Variants in BCL11A observed in about 807,000 individuals in gnomAD.
BCL11A encodes the protein BCL11 transcription factor A, also known as B cell CLL/lymphoma 11A.
In BCL11A, 2 loss-of-function variants were observed where a neutral mutation model predicts 55.9. The observed-to-expected ratio is 0.04, with a 90% CI of 0.01 to 0.11. The LOEUF (loss-of-function observed/expected upper bound fraction) is 0.11, where lower values mean the gene tolerates loss of function less well. Among genes scored for constraint, BCL11A ranks in the 10% least tolerant of loss-of-function variants. BCL11A has a pLI of 1.00. For synonymous variants in BCL11A, 465 were observed against 473.4 expected (o/e 0.98, Z 0.23); for missense variants, 817 against 1,137.1 (o/e 0.72, Z 4.05).
At chr2:60,513,221 T>C (rs1486244002) in intron 2 of BCL11A, among the ~76,000 whole-genome samples, 1 of 152,130 alleles carries the variant, frequency 6.6e-6, no homozygotes, top group African/African-American at 2.4e-5. Context: ...TGACTCTCAC[T>C]AGGTTTCAGG....
chr2:60,553,287 G>T lies in BCL11A; in HGVS notation c.-17C>A. ...GCGAGACATGGTGGGCTGCGGGGCGGGCGGCGGCGGCGGCGGCGGCGGCGG... is the reference window on the plus strand; with the variant it reads ...GCGAGACATGGTGGGCTGCGGGGCGTGCGGCGGCGGCGGCGGCGGCGGCGG... On this transcript the variant is annotated 5_prime_UTR_variant, in exon 1 of 4. Transcript: ENST00000642384. 2 of 1,149,634 alleles carry T rather than the reference G, an allele frequency of 1.7e-6. No individual in the cohort carries two copies. The highest frequency in any genetic ancestry group is 2.2e-6 in the Non-Finnish European group (2 of 909,974). 71.2% of individuals were successfully genotyped at this position (1,149,634 alleles called of 1,614,324 possible).
intron 3 of BCL11A, among the ~76,000 whole-genome samples, chr2:60,467,928 T>TG (rs1676924996): frequency 8.1e-6 from 1 of 124,174 alleles, no homozygotes; most frequent in Non-Finnish European, 1.8e-5. Context: ...GTGGTGGTGG[T>TG]AGTGATGGTG....
intron 2 of BCL11A, among the ~76,000 whole-genome samples, chr2:60,502,072 C>A (rs1679321901): frequency 6.6e-6 from 1 of 152,158 alleles, no homozygotes; most frequent in African/African-American, 2.4e-5. Flanking sequence ...TGCCTCACTC[C>A]ACAGAGAAGC....
chr2:60,540,134 C>A (rs1371681848), intron 2 of BCL11A, among the ~76,000 whole-genome samples: 1 of 151,590 alleles, frequency 6.6e-6, no homozygotes, highest in Non-Finnish European at 1.5e-5. Context: ...AAGTTAGAAT[C>A]TTTTTTTTTA....
At chr2:60,550,449 C>G (rs946136681) in intron 1 of BCL11A, among the ~76,000 whole-genome samples, 1 of 151,628 alleles carries the variant, frequency 6.6e-6, no homozygotes, top group African/African-American at 2.4e-5. Context: ...CGAGAATCGC[C>G]GGGCAGGAGG....
At chr2:60,476,123 T>C (rs1231738358) in intron 2 of BCL11A, among the ~76,000 whole-genome samples, 1 of 152,182 alleles carries the variant, frequency 6.6e-6, no homozygotes, top group African/African-American at 2.4e-5. Flanking sequence ...AGGATACACC[T>C]GTTCCCCTCA....
chr2:60,536,354 A>T (rs935129018), intron 2 of BCL11A: 20 of 152,166 alleles, frequency 1.3e-4, no homozygotes, highest in African/African-American at 4.8e-4. Flanking sequence ...CTGATTTCTT[A>T]ACTCTCTTAT....
At chr2:60,522,275 C>T (rs1669028152) in intron 2 of BCL11A, 1 of 152,164 alleles carries the variant, frequency 6.6e-6, no homozygotes, top group Non-Finnish European at 1.5e-5. Flanking sequence ...TGATCCCAGA[C>T]GTCATATCAT....
rs1254730377 is a variant in BCL11A, at chr2:60,461,242, T to C, written c.1670A>G (p.His557Arg). Residue 557 changes from histidine to arginine, a missense_variant, in exon 4 of 4, where the codon CAC becomes CGC. Around this residue, in one of 4 missense-constraint regions of BCL11A, gnomAD observed 379 missense variants for 425.3 expected, o/e 0.89. Transcript: ENST00000642384. ...MQGMVLSSMQ[H>R]FSEAFHQVLG... ...GACCTGGTGGAAGGCCTCGCTGAAGTGCTGCATGGAGCTGAGCACCATGCC... is the reference window on the plus strand; with the variant it reads ...GACCTGGTGGAAGGCCTCGCTGAAGCGCTGCATGGAGCTGAGCACCATGCC... 1 of 1,609,780 alleles carries C rather than the reference T, an allele frequency of 6.2e-7. No individual in the cohort carries two copies. The highest frequency in any genetic ancestry group is 8.5e-7 in the Non-Finnish European group (1 of 1,179,746).
At chr2:60,514,990 C>A (rs912150158) in intron 2 of BCL11A, among the ~76,000 whole-genome samples, 3 of 152,200 alleles carry the variant, frequency 2.0e-5, no homozygotes. Context: ...CCGAACTCAG[C>A]CGTTCTCCCT....
chr2:60,497,580 G>A (rs140753397), intron 2 of BCL11A, among the ~76,000 whole-genome samples: 5 of 151,402 alleles, frequency 3.3e-5, no homozygotes, highest in African/African-American at 1.2e-4. Context: ...CACTACCTAC[G>A]TCAGTGCCAT....
chr2:60,543,025 T>G (rs1429492094), intron 2 of BCL11A: 1 of 130,966 alleles, frequency 7.6e-6, no homozygotes, highest in East Asian at 2.1e-4. Context: ...AGCAAAACTC[T>G]GTCTAAAAAA....
At chr2:60,526,523 TG>T (rs1669210090) in intron 2 of BCL11A, 1 of 152,136 alleles carries the variant, frequency 6.6e-6, no homozygotes, top group East Asian at 1.9e-4. Context: ...GGTAATTAAA[TG>T]GGTATTTATA....
chr2:60,493,902 C>T (rs888593958), intron 2 of BCL11A, among the ~76,000 whole-genome samples: 2 of 152,164 alleles, frequency 1.3e-5, no homozygotes, highest in Non-Finnish European at 2.9e-5. Context: ...CAGAGGTGAA[C>T]AGGAAGCAGA....
At chr2:60,452,563 C>T, downstream of BCL11A, 1 of 1,611,400 alleles carries the variant, frequency 6.2e-7, no homozygotes, top group Non-Finnish European at 8.5e-7. Context: ...CCCCTGGGGG[C>T]TTCAAATTTT....
chr2:60,495,309 G>C (rs1678883550), intron 2 of BCL11A, among the ~76,000 whole-genome samples: 1 of 152,004 alleles, frequency 6.6e-6, no homozygotes, highest in Non-Finnish European at 1.5e-5. Flanking sequence ...CTTCAAAGTT[G>C]TATTGACCCT....
At chr2:60,494,612 A>C (rs937545008) in intron 2 of BCL11A, among the ~76,000 whole-genome samples, 1 of 152,204 alleles carries the variant, frequency 6.6e-6, no homozygotes, top group Non-Finnish European at 1.5e-5. Context: ...CTCATTCCTA[A>C]TGATTTATCA....
intron 2 of BCL11A, among the ~76,000 whole-genome samples, chr2:60,493,923 G>A (rs1573004071): frequency 6.6e-6 from 1 of 152,164 alleles, no homozygotes; most frequent in African/African-American, 2.4e-5. Flanking sequence ...AGGACCCCTG[G>A]GGGAGACAGG....
intron 2 of BCL11A, among the ~76,000 whole-genome samples, chr2:60,472,115 T>C (rs549673456): frequency 6.6e-6 from 1 of 152,242 alleles, no homozygotes; most frequent in South Asian, 2.1e-4. Context: ...TAAGGATCCC[T>C]CCATTAGGAA....
Sources: gnomAD v4.1 joint callset for allele counts (sites outside exome capture counted in the v4.1 genomes callset) on GRCh38, gnomAD v4.1.1 for gene constraint, gnomAD v4.1.1 regional missense constraint, MANE v1.5 for transcripts, NCBI Gene and HGNC (gene_info 2026-07-23, HGNC 2026-07-21) for gene names.